CACNG3: variants seen among roughly 807,000 people sequenced by gnomAD.
CACNG3 encodes calcium voltage-gated channel auxiliary subunit gamma 3, also known as voltage-dependent calcium channel gamma-3 subunit.
CACNG3 carries 3 observed loss-of-function variants against 28.5 expected under a neutral mutation model. The observed-to-expected ratio is 0.11, with a 90% confidence interval of 0.05 to 0.27. The LOEUF (loss-of-function observed/expected upper bound fraction) is 0.27, where lower values mean the gene tolerates loss of function less well. Ranked by LOEUF, CACNG3 falls within the 10% of genes least tolerant of loss-of-function variation. The probability of loss-of-function intolerance (pLI) is 1.00; values close to 1 mark genes in which losing one functional copy is unlikely to be tolerated. For synonymous variants in CACNG3, 174 were observed against 162.2 expected, an observed-to-expected ratio of 1.07 and a Z score of -0.55; for missense variants, 236 against 414.4, an observed-to-expected ratio of 0.57 and a Z score of 3.74.
chr16:24,323,355 G>C (rs1899492721), intron 1 of CACNG3, among the ~76,000 whole-genome samples: 1 of 152,078 alleles, frequency 6.6e-6, no homozygotes, highest in African/African-American at 2.4e-5. Context: ...CCCTAGCATG[G>C]ATGTATCTTA....
chr16:24,315,130 A>G (rs962457262), intron 1 of CACNG3, among the ~76,000 whole-genome samples: 3 of 152,144 alleles, frequency 2.0e-5, no homozygotes, highest in African/African-American at 4.8e-5. Context: ...TGCCTTTGCA[A>G]TGCCTCTCAG....
At chr16:24,344,450 G>C (rs750059315) in intron 1 of CACNG3, among the ~76,000 whole-genome samples, 1 of 151,920 alleles carries the variant, frequency 6.6e-6, no homozygotes, top group Non-Finnish European at 1.5e-5. Flanking sequence ...AATGGTACCT[G>C]GTATATAGTA....
chr16:24,283,492 A>G (rs1017294319), intron 1 of CACNG3, among the ~76,000 whole-genome samples: 15 of 152,104 alleles, frequency 9.9e-5, no homozygotes, highest in Non-Finnish European at 2.1e-4. Context: ...TTTCCAGGAT[A>G]TTTTCTAAGA....
chr16:24,313,571 A>G (rs62029052), intron 1 of CACNG3, among the ~76,000 whole-genome samples: 46,780 of 151,992 alleles, frequency 0.31, 8,138 homozygotes, highest in South Asian at 0.46. Context: ...TACAGCCTCA[A>G]CCTCCACAAG....
At chr16:24,314,906 C>T (rs1477014474) in intron 1 of CACNG3, among the ~76,000 whole-genome samples, 1 of 151,982 alleles carries the variant, frequency 6.6e-6, no homozygotes, top group African/African-American at 2.4e-5. Flanking sequence ...AACCAGAGTC[C>T]CTGAGCTTGC....
chr16:24,340,931 C>A (rs187352904), intron 1 of CACNG3, among the ~76,000 whole-genome samples: 1 of 152,344 alleles, frequency 6.6e-6, no homozygotes, highest in Admixed American at 6.5e-5. Flanking sequence ...GCTTTAGCTT[C>A]TACCTCTCTC....
At chr16:24,327,219 G>A (rs1388483102) in intron 1 of CACNG3, among the ~76,000 whole-genome samples, 1 of 143,988 alleles carries the variant, frequency 6.9e-6, no homozygotes, top group African/African-American at 2.5e-5. Context: ...GGAATAAAAG[G>A]AGAGTCTCAG....
chr16:24,295,860 C>A (rs1401104736), intron 1 of CACNG3, among the ~76,000 whole-genome samples: 1 of 152,024 alleles, frequency 6.6e-6, no homozygotes, highest in African/African-American at 2.4e-5. Flanking sequence ...AACAAACAAA[C>A]AAACAAACAA....
intron 1 of CACNG3, among the ~76,000 whole-genome samples, chr16:24,321,389 C>T (rs1025003233): frequency 2.0e-5 from 3 of 151,424 alleles, no homozygotes; most frequent in Non-Finnish European, 2.9e-5. Flanking sequence ...TGCAATGAGC[C>T]GAGATCTCAC....
At chr16:24,316,936 T>G (rs1274285687) in intron 1 of CACNG3, among the ~76,000 whole-genome samples, 4 of 152,228 alleles carry the variant, frequency 2.6e-5, no homozygotes, top group African/African-American at 9.6e-5. Context: ...GTTAGTGTCC[T>G]CGCCAGTGAA....
At chr16:24,322,862 C>T (rs1899483912) in intron 1 of CACNG3, among the ~76,000 whole-genome samples, 1 of 152,166 alleles carries the variant, frequency 6.6e-6, no homozygotes, top group East Asian at 1.9e-4. Flanking sequence ...TAGTGCACTG[C>T]TCAACTCCCA....
intron 1 of CACNG3, among the ~76,000 whole-genome samples, chr16:24,328,632 G>A (rs1440908114): frequency 1.7e-4 from 26 of 151,918 alleles, no homozygotes; most frequent in Non-Finnish European, 2.5e-4. Context: ...GCATACTCAC[G>A]GATCATCGTA....
intron 1 of CACNG3, among the ~76,000 whole-genome samples, chr16:24,338,328 T>G (rs1001938050): frequency 6.6e-6 from 1 of 151,992 alleles, no homozygotes; most frequent in Non-Finnish European, 1.5e-5. Flanking sequence ...TTTTGTATCT[T>G]TCTTGGTTTT....
At chr16:24,329,318 T>C (rs1268835734) in intron 1 of CACNG3, among the ~76,000 whole-genome samples, 1 of 152,128 alleles carries the variant, frequency 6.6e-6, no homozygotes. Context: ...ATGGATTTGC[T>C]TGGGAGCAAA....
At position 24,279,295 on chromosome 16, in the gene CACNG3, T is replaced by G. The variant is rs553107373; in HGVS notation, c.211+22330T>G. 2.2e-4 allele frequency among the ~76,000 whole-genome samples: 33 copies of G among 152,156 alleles called. No individual in the cohort carries two copies. The South Asian group carries it at 6.4e-3, about 30-fold the overall frequency. Reference sequence around the variant, plus strand: ...ACTGGGGAATGGAAAAGGAATAGTTTTATTTTTATTTTTCTTGAGACAGGG... The same window carrying G: ...ACTGGGGAATGGAAAAGGAATAGTTGTATTTTTATTTTTCTTGAGACAGGG... On this transcript the variant is annotated intron_variant, in intron 1 of 3. Transcript: ENST00000005284.
Position 24,319,731 on chromosome 16 carries a change from G to A in CACNG3, c.212-27003G>A, listed in dbSNP as rs115495927. Among the ~76,000 whole-genome samples, 588 of 152,038 alleles carry A rather than the reference G, an allele frequency of 3.9e-3. 5 individuals carry two copies. The highest frequency in any genetic ancestry group is 0.014 in the African/African-American group (563 of 41,436). On this transcript the variant is annotated intron_variant, in intron 1 of 3. Transcript: ENST00000005284. ...AGCCTCCCAGAATTCTGGGATTACA[G>A]GCATGAACCACCATGCCCAGACTTG...
intron 3 of CACNG3, 39 bp downstream of exon 3, chr16:24,355,012 C>G: frequency 6.3e-7 from 1 of 1,594,030 alleles, no homozygotes; most frequent in Middle Eastern, 2.0e-4. Context: ...TTCACAGATA[C>G]CAAACTGAAG....
At chr16:24,343,520 A>T (rs1362850912) in intron 1 of CACNG3, among the ~76,000 whole-genome samples, 1 of 152,176 alleles carries the variant, frequency 6.6e-6, no homozygotes, top group Non-Finnish European at 1.5e-5. Flanking sequence ...CCCCTGGGAC[A>T]TGCCATGGGG....
At chr16:24,260,796 C>T (rs1329081116) in intron 1 of CACNG3, among the ~76,000 whole-genome samples, 1 of 152,314 alleles carries the variant, frequency 6.6e-6, no homozygotes, top group Non-Finnish European at 1.5e-5. Context: ...GAGACACCCA[C>T]ACTGGGAAGC....
Sources: gnomAD v4.1 joint callset for allele counts (sites outside exome capture counted in the v4.1 genomes callset) on GRCh38, gnomAD v4.1.1 for gene constraint, MANE v1.5 for transcripts, NCBI Gene and HGNC (gene_info 2026-07-23, HGNC 2026-07-21) for gene names.